TAOK3: variants seen among roughly 807,000 people sequenced by gnomAD.
The protein encoded by TAOK3 is TAO kinase 3, also known as serine/threonine-protein kinase TAO3.
A neutral mutation model predicts 120.4 loss-of-function variants in TAOK3; 40 were observed. That is an observed-to-expected ratio of 0.33 (90% CI 0.26 to 0.43). The LOEUF (loss-of-function observed/expected upper bound fraction) is 0.43. Among genes scored for constraint, TAOK3 ranks in the 20% least tolerant of loss-of-function variants. The probability of loss-of-function intolerance (pLI) is 1.00; values close to 1 mark genes in which losing one functional copy is unlikely to be tolerated. For missense variants in TAOK3, 821 were observed against 1,112.1 expected (o/e 0.74, Z 3.72); for synonymous variants, 355 against 387.5 (o/e 0.92, Z 0.99).
chr12:118,325,879 T>C (rs1263033261), intron 1 of TAOK3, among the ~76,000 whole-genome samples: 1 of 152,090 alleles, frequency 6.6e-6, no homozygotes, highest in African/African-American at 2.4e-5. Context: ...GGGGTTTCAC[T>C]ATGCTGGCTA....
At chr12:118,159,264 C>T (rs528436686) in intron 19 of TAOK3, among the ~76,000 whole-genome samples, 3 of 151,904 alleles carry the variant, frequency 2.0e-5, no homozygotes, top group African/African-American at 7.3e-5. Flanking sequence ...TTAGTTAGTC[C>T]TACTTGTTCT....
intron 12 of TAOK3, 127 bp downstream of exon 12, chr12:118,201,169 T>A: frequency 1.1e-6 from 1 of 891,910 alleles, no homozygotes; most frequent in Admixed American, 2.7e-5. Flanking sequence ...TGTACAACCC[T>A]TCATGTTTCT....
chr12:118,369,720 A>C (rs1017340883), intron 1 of TAOK3, among the ~76,000 whole-genome samples: 8 of 152,062 alleles, frequency 5.3e-5, no homozygotes, highest in African/African-American at 1.5e-4. Flanking sequence ...TTTTACTTGA[A>C]TTCGATCTAG....
At position 118,150,956 on chromosome 12, in the gene TAOK3, C is replaced by CTTTTTTTTT. The variant is rs201481032; in HGVS notation, c.*32_*40dup. 74 of 1,255,840 alleles carry CTTTTTTTTT rather than the reference C, an allele frequency of 5.9e-5. No individual in the cohort carries two copies. Among genetic ancestry groups the CTTTTTTTTT allele is most frequent in the South Asian group, 3.7e-4 (23 of 62,016 alleles). The allele number at this position is 1,255,840 out of a possible 1,614,324, so 77.8% of individuals were successfully genotyped here. ...CAGGGTCTGAATTTTTTTCTGTTTT[C>CTTTTTTTTT]TTTTTTTTTTTTTTTTTTGTAAATG... is the stretch of plus-strand genomic sequence containing the variant. On this transcript the variant is annotated 3_prime_UTR_variant, in exon 21 of 21. Coordinates refer to ENST00000392533, the MANE Select transcript of TAOK3 (RefSeq NM_016281.4).
chr12:118,362,317 TAA>T (rs10652375), intron 1 of TAOK3, among the ~76,000 whole-genome samples: 45 of 105,492 alleles, frequency 4.3e-4, no homozygotes, highest in Middle Eastern at 6.0e-3. Context: ...GCTGATGGGC[TAA>T]AAAAAAAAAA....
At chr12:118,313,012 A>G (rs1233773666) in intron 1 of TAOK3, among the ~76,000 whole-genome samples, 1 of 152,234 alleles carries the variant, frequency 6.6e-6, no homozygotes. Flanking sequence ...AACTGAACCC[A>G]AAATCCCTAA....
In TAOK3 at chr12:118,161,890, G is replaced by A. The variant is rs141234841; in HGVS notation, c.2037C>T (p.His679=). The A allele has an allele frequency of 6.2e-7, 1 of 1,613,884 alleles. No individual in the cohort carries two copies. Among genetic ancestry groups the A allele is most frequent in the African/African-American group, 1.3e-5 (1 of 74,826 alleles). ...KLRMDLIRLQ[H]QTELENQLEY... is the part of the protein sequence containing the mutation. ...CCAGCTGGTTTTCCAGTTCCGTCTG[G>A]TGCTGTAAACGGATCAGATCCATGC... The change falls in exon 18 of 21, where the codon CAC becomes CAT. Residue 679 remains histidine (H), a synonymous_variant. Transcript: ENST00000392533. This position sits in a 1 kb window ranked among gnomAD's most constrained non-coding sequence, Gnocchi z 4.5.
intron 1 of TAOK3, among the ~76,000 whole-genome samples, chr12:118,353,023 G>C (rs17440823): frequency 0.11 from 17,348 of 152,152 alleles, 1,249 homozygotes; most frequent in Middle Eastern, 0.2. Context: ...GTTGACTTTA[G>C]ATAAGCATGA....
chr12:118,211,756 T>C (rs1445300999), intron 11 of TAOK3, among the ~76,000 whole-genome samples: 1 of 152,096 alleles, frequency 6.6e-6, no homozygotes, highest in Non-Finnish European at 1.5e-5. Context: ...GCTGGGATTA[T>C]AGGCGTGAGC....
At chr12:118,273,784 C>G (rs1270765034) in intron 1 of TAOK3, among the ~76,000 whole-genome samples, 1 of 152,166 alleles carries the variant, frequency 6.6e-6, no homozygotes, top group Non-Finnish European at 1.5e-5. Flanking sequence ...CCATTGCACT[C>G]CAGCCTGGGC....
At position 118,312,865 on chromosome 12, in the gene TAOK3, T is replaced by C. The variant is rs529669359; in HGVS notation, c.-193-46106A>G. On this transcript the variant is annotated intron_variant, in intron 1 of 20. Coordinates refer to ENST00000392533, the MANE Select transcript of TAOK3 (RefSeq NM_016281.4). ...ATGATCTAACACAACAAAACTATAA[T>C]GAGTGTTGAAAGACTGTGGAGAAAA... Among the ~76,000 whole-genome samples, 7 of 152,272 alleles carry C rather than the reference T, an allele frequency of 4.6e-5. 1 individual carries two copies. In the South Asian group the frequency reaches 1.5e-3, roughly 32 times the overall value.
chr12:118,243,704 T>C (rs1045443683), intron 4 of TAOK3, among the ~76,000 whole-genome samples, 188 bp from the exon 5 acceptor site: 2 of 152,124 alleles, frequency 1.3e-5, no homozygotes, highest in African/African-American at 4.8e-5. Flanking sequence ...TGAGACAGAG[T>C]CTTGCTCTAT....
At position 118,215,452 on chromosome 12, in the gene TAOK3, C is replaced by T. The variant is rs1489278321; in HGVS notation, c.644-1342G>A. 9.2e-5 allele frequency among the ~76,000 whole-genome samples: 14 copies of T among 151,698 alleles called. No homozygotes were observed. The East Asian group carries it at 2.8e-3, about 30-fold the overall frequency. ...GCATGAACCCGAGAGGCAGAGCTTG[C>T]AGTAAGCCAAGATCGCGCCACTGTA... On this transcript the variant is annotated intron_variant, in intron 9 of 20. Coordinates refer to ENST00000392533, the MANE Select transcript of TAOK3 (RefSeq NM_016281.4).
At position 118,153,227 on chromosome 12, in the gene TAOK3, T is replaced by C. The variant is rs2034574377; in HGVS notation, c.2353-818A>G. ...TTCAATACTAGCTTGGGAAATATTG[T>C]GAGACCCCCATCTATACAAAGATTT... On this transcript the variant is annotated intron_variant, in intron 19 of 20. Transcript: ENST00000392533. Among the ~76,000 whole-genome samples, 3 of 152,266 alleles carry C rather than the reference T, an allele frequency of 2.0e-5. No homozygotes were observed. In the South Asian group the frequency reaches 6.2e-4, roughly 32 times the overall value.
intron 13 of TAOK3, among the ~76,000 whole-genome samples, chr12:118,193,248 C>T (rs1461541282): frequency 6.6e-6 from 1 of 151,812 alleles, no homozygotes; most frequent in African/African-American, 2.4e-5. Flanking sequence ...GGGTTTTCAC[C>T]ATGTTGCCCA....
At chr12:118,301,131 T>C (rs961949840) in intron 1 of TAOK3, among the ~76,000 whole-genome samples, 2 of 152,214 alleles carry the variant, frequency 1.3e-5, no homozygotes, top group African/African-American at 2.4e-5. Context: ...TTCAATTCAC[T>C]TTCAAATAGT....
chr12:118,203,955 T>C (rs2038163214), intron 11 of TAOK3, among the ~76,000 whole-genome samples: 1 of 152,078 alleles, frequency 6.6e-6, no homozygotes, highest in South Asian at 2.1e-4. Flanking sequence ...CACGAAACAC[T>C]GTTTCTGAGC....
intron 10 of TAOK3, 82 bp from the exon 11 acceptor site, chr12:118,213,077 G>T: frequency 1.2e-6 from 1 of 869,210 alleles, no homozygotes; most frequent in Non-Finnish European, 1.6e-6. Flanking sequence ...TCATTCAAGG[G>T]AAAATTTTGC....
intron 14 of TAOK3, among the ~76,000 whole-genome samples, chr12:118,182,449 C>A (rs1193347144): frequency 6.6e-6 from 1 of 151,390 alleles, no homozygotes; most frequent in African/African-American, 2.4e-5. Context: ...GCATCCCTGG[C>A]CTCTACCCAC....
Sources: allele counts gnomAD v4.1 joint callset (sites outside exome capture counted in the v4.1 genomes callset), GRCh38; gene constraint gnomAD v4.1.1; non-coding constraint Gnocchi (gnomAD v3.1); transcripts MANE v1.5; gene names NCBI Gene and HGNC (gene_info 2026-07-23, HGNC 2026-07-21).